Variants in FMNL2 observed in about 807,000 individuals in gnomAD.
FMNL2 encodes formin-like protein 2.
A neutral mutation model predicts 130.2 loss-of-function variants in FMNL2; 51 were observed. The ratio of observed to expected loss-of-function variants is 0.39; its 90% CI spans 0.31 to 0.49. The LOEUF (loss-of-function observed/expected upper bound fraction) is 0.49, where lower values mean the gene tolerates loss of function less well. Among genes scored for constraint, FMNL2 ranks in the 20% least tolerant of loss-of-function variants. FMNL2 has a pLI of 0.85. For missense variants in FMNL2, 977 were observed against 1,316.2 expected (o/e 0.74, Z 3.99); for synonymous variants, 465 against 467.1 (o/e 1.00, Z 0.06).
intron 2 of FMNL2, among the ~76,000 whole-genome samples, chr2:152,532,705 TC>T (rs1325993950): frequency 2.0e-5 from 3 of 151,814 alleles, no homozygotes; most frequent in Non-Finnish European, 4.4e-5. Flanking sequence ...TTTCCTGGGT[TC>T]AAGCGATTCT....
intron 1 of FMNL2, among the ~76,000 whole-genome samples, chr2:152,508,906 C>G (rs1350728230): frequency 6.6e-6 from 1 of 152,194 alleles, no homozygotes; most frequent in Non-Finnish European, 1.5e-5. Flanking sequence ...TGCCCACAAC[C>G]AAGTCCAGCA....
intron 1 of FMNL2, among the ~76,000 whole-genome samples, chr2:152,354,900 T>C (rs1264723268): frequency 6.6e-6 from 1 of 152,184 alleles, no homozygotes; most frequent in Non-Finnish European, 1.5e-5. Context: ...GGTGCCCTAT[T>C]TCCATATCAA....
chr2:152,592,057 C>T (rs891698685), intron 9 of FMNL2, among the ~76,000 whole-genome samples: 1 of 152,080 alleles, frequency 6.6e-6, no homozygotes, highest in African/African-American at 2.4e-5. Context: ...GAGCCTAGAT[C>T]GCGCCACTGC....
intron 1 of FMNL2, among the ~76,000 whole-genome samples, chr2:152,465,403 G>A (rs2105149561): frequency 6.6e-6 from 1 of 152,350 alleles, no homozygotes; most frequent in African/African-American, 2.4e-5. Context: ...TGGCTGGGAT[G>A]TTCCTGGTCA....
chr2:152,385,896 G>C (rs1363067194), intron 1 of FMNL2, among the ~76,000 whole-genome samples: 3 of 152,042 alleles, frequency 2.0e-5, no homozygotes, highest in Non-Finnish European at 4.4e-5. Context: ...GAGCAGGTTG[G>C]CTGCCAAATT....
chr2:152,646,315 G>C (rs1480496913), intron 25 of FMNL2, among the ~76,000 whole-genome samples: 1 of 144,880 alleles, frequency 6.9e-6, no homozygotes, highest in African/African-American at 2.6e-5. Flanking sequence ...CAGTGACAGA[G>C]ACTGTCCTCC....
chr2:152,361,421 T>C (rs1332845689), intron 1 of FMNL2, among the ~76,000 whole-genome samples: 3 of 152,248 alleles, frequency 2.0e-5, no homozygotes, highest in Non-Finnish European at 2.9e-5. Flanking sequence ...TGTTTCAATA[T>C]ACTCTTTCAC....
intron 1 of FMNL2, among the ~76,000 whole-genome samples, chr2:152,511,842 G>T (rs149259057): frequency 6.6e-6 from 1 of 152,296 alleles, no homozygotes; most frequent in East Asian, 1.9e-4. Flanking sequence ...CTTCAGATCA[G>T]CAGGTGATAC....
Position 152,624,443 on chromosome 2 carries a change from C to T in FMNL2, c.1838-995C>T, listed in dbSNP as rs1470704844. ...AAAGTGCTAGGACTTTGAGCCACCA[C>T]GCCCAGCAATTTCTTTTCCTTCCCC... On this transcript the variant is annotated intron_variant, in intron 15 of 25. Coordinates refer to ENST00000288670, the MANE Select transcript of FMNL2 (RefSeq NM_052905.4). Among the ~76,000 whole-genome samples, 13 of 151,934 alleles carry T rather than the reference C, an allele frequency of 8.6e-5. 1 individual carries two copies. The highest frequency in any genetic ancestry group is 1.2e-4 in the African/African-American group (5 of 41,374).
At chr2:152,544,209 G>T (rs970874924) in intron 3 of FMNL2, among the ~76,000 whole-genome samples, 3 of 152,088 alleles carry the variant, frequency 2.0e-5, no homozygotes, top group African/African-American at 7.2e-5. Flanking sequence ...CTGAGGTCAG[G>T]AGTTCAAGAC....
intron 25 of FMNL2, among the ~76,000 whole-genome samples, chr2:152,644,139 T>A (rs1164283323): frequency 6.6e-6 from 1 of 152,116 alleles, no homozygotes; most frequent in Non-Finnish European, 1.5e-5. Context: ...GAGCATTGCT[T>A]GAGCCCAGGA....
intron 9 of FMNL2, among the ~76,000 whole-genome samples, chr2:152,595,899 T>G (rs1466858568): frequency 6.6e-6 from 1 of 151,578 alleles, no homozygotes; most frequent in Non-Finnish European, 1.5e-5. Context: ...GCTGTTTCCA[T>G]CCAACCTGAT....
intron 1 of FMNL2, among the ~76,000 whole-genome samples, chr2:152,421,866 A>G (rs1686942048): frequency 6.6e-6 from 1 of 152,172 alleles, no homozygotes; most frequent in African/African-American, 2.4e-5. Flanking sequence ...TTTATATTTA[A>G]CTATGAAGTA....
At chr2:152,640,558 C>T (rs978352812) in intron 24 of FMNL2, among the ~76,000 whole-genome samples, 8 of 152,188 alleles carry the variant, frequency 5.3e-5, no homozygotes, top group Non-Finnish European at 1.2e-4. Context: ...CTCTTGTTGC[C>T]GTAGACTCCA....
intron 1 of FMNL2, among the ~76,000 whole-genome samples, chr2:152,483,886 A>C (rs1192369274): frequency 6.6e-6 from 1 of 152,228 alleles, no homozygotes; most frequent in African/African-American, 2.4e-5. Context: ...AGGGGGAAAA[A>C]AACCCAAACA....
At chr2:152,434,108 A>C (rs1687626680) in intron 1 of FMNL2, among the ~76,000 whole-genome samples, 1 of 152,158 alleles carries the variant, frequency 6.6e-6, no homozygotes, top group Non-Finnish European at 1.5e-5. Context: ...TATTCCATTG[A>C]ATTTTTTTAG....
intron 1 of FMNL2, among the ~76,000 whole-genome samples, chr2:152,353,307 T>C (rs150609639): frequency 6.6e-6 from 1 of 152,290 alleles, no homozygotes; most frequent in Admixed American, 6.5e-5. Context: ...GCTCTGTGCC[T>C]GAATGCTTAG....
chr2:152,417,861 C>T (rs1686698864), intron 1 of FMNL2, among the ~76,000 whole-genome samples: 1 of 152,056 alleles, frequency 6.6e-6, no homozygotes. Context: ...GAGACAGAGT[C>T]TTGCTCTGTT....
chr2:152,618,235 G>A (rs945049003), intron 13 of FMNL2, among the ~76,000 whole-genome samples: 1 of 152,180 alleles, frequency 6.6e-6, no homozygotes, highest in Admixed American at 6.5e-5. Context: ...AGTAATTAGT[G>A]AAGGGAAGCT....
Sources: allele counts gnomAD v4.1 joint callset (sites outside exome capture counted in the v4.1 genomes callset), GRCh38; gene constraint gnomAD v4.1.1; transcripts MANE v1.5; gene names NCBI Gene and HGNC (gene_info 2026-07-23, HGNC 2026-07-21).